TMEM165: variants seen among roughly 807,000 people sequenced by gnomAD.
The protein encoded by TMEM165 is transmembrane protein 165.
A neutral mutation model predicts 30.0 loss-of-function variants in TMEM165; 19 were observed. The ratio of observed to expected loss-of-function variants is 0.63; its 90% CI spans 0.44 to 0.93. The LOEUF (loss-of-function observed/expected upper bound fraction) is 0.93. Ranked by LOEUF, TMEM165 falls within the 40% of genes least tolerant of loss-of-function variation. The pLI, the probability that TMEM165 is intolerant of heterozygous loss-of-function variation, is 0.00. For missense variants in TMEM165, 340 were observed against 417.0 expected (o/e 0.82, Z 1.61); for synonymous variants, 168 against 162.9 (o/e 1.03, Z -0.24).
chr4:55,410,547 T>C (rs1721447662), intron 1 of TMEM165, among the ~76,000 whole-genome samples: 1 of 152,194 alleles, frequency 6.6e-6, no homozygotes, highest in Non-Finnish European at 1.5e-5. Flanking sequence ...TAACTGGGAT[T>C]ATAGGCTTCC....
intron 1 of TMEM165, among the ~76,000 whole-genome samples, chr4:55,407,445 A>G (rs1721316227): frequency 6.6e-6 from 1 of 152,238 alleles, no homozygotes; most frequent in Admixed American, 6.5e-5. Flanking sequence ...AAAATATCTC[A>G]GTAGTTTTAA....
chr4:55,417,765 T>C, intron 3 of TMEM165, 38 bp from the exon 4 acceptor site: 4 of 1,495,234 alleles, frequency 2.7e-6, no homozygotes, highest in Non-Finnish European at 3.6e-6. Flanking sequence ...TTGATTTGCT[T>C]CCTGTGCTTA....
intron 1 of TMEM165, among the ~76,000 whole-genome samples, chr4:55,400,272 A>G (rs1413847011): frequency 1.2e-5 from 1 of 83,174 alleles, no homozygotes; most frequent in African/African-American, 4.7e-5. Context: ...TATAATATAT[A>G]ATATAATATT....
intron 3 of TMEM165, chr4:55,442,752 A>G: frequency 1.1e-6 from 1 of 894,054 alleles, no homozygotes; most frequent in Non-Finnish European, 1.8e-6. Context: ...GTGGCAGGAT[A>G]TATTACTCTG....
chr4:55,409,454 AAATAAGTT>A (rs1359547210), intron 1 of TMEM165, among the ~76,000 whole-genome samples: 6 of 152,150 alleles, frequency 3.9e-5, no homozygotes, highest in Non-Finnish European at 7.4e-5. Flanking sequence ...AAAAAATTAA[AAATAAGTT>A]ATTAGGATTG....
At chr4:55,435,346 A>G in intron 3 of TMEM165, 1 of 1,565,570 alleles carries the variant, frequency 6.4e-7, no homozygotes, top group Non-Finnish European at 8.8e-7. Flanking sequence ...TCCTTTCCTC[A>G]GGTCATCTGA....
At chr4:55,440,986 C>G (rs1560414090) in intron 3 of TMEM165, among the ~76,000 whole-genome samples, 2 of 142,120 alleles carry the variant, frequency 1.4e-5, no homozygotes, top group African/African-American at 2.5e-5. Context: ...CAAAACAAAA[C>G]ACAACACAAC....
chr4:55,417,165 G>C lies in TMEM165; in HGVS notation c.527G>C (p.Arg176Pro). Residue 176 changes from arginine (R) to proline (P), a missense_variant, in exon 3 of 6, where the codon CGG (arginine) becomes CCG (proline). Physicochemically the swap from Arg to Pro is moderately radical, Grantham distance 103. Coordinates refer to ENST00000381334, the MANE Select transcript of TMEM165 (RefSeq NM_018475.5). ...LFAIFGIRML[R>P]EGLKMSPDEG... ...GCCATTTTTGGCATTAGAATGCTTC[G>C]GGAAGGCTTAAAGATGAGCCCTGAT... 6.2e-7 allele frequency: 1 copy of C among 1,613,884 alleles called. No homozygotes were observed. The highest frequency in any genetic ancestry group is 8.5e-7 in the Non-Finnish European group (1 of 1,179,974).
intron 3 of TMEM165, chr4:55,444,730 TG>T: frequency 6.2e-7 from 1 of 1,614,152 alleles, no homozygotes. Context: ...GCGTGTCCGT[TG>T]TTCCAATTGG....
At chr4:55,401,954 T>C (rs1160127928) in intron 1 of TMEM165, among the ~76,000 whole-genome samples, 4 of 149,332 alleles carry the variant, frequency 2.7e-5, no homozygotes, top group Non-Finnish European at 5.9e-5. Context: ...CCATCTCTAC[T>C]GAAAATACAA....
intron 3 of TMEM165, chr4:55,438,442 A>T (rs1723070282): frequency 6.2e-7 from 1 of 1,613,784 alleles, no homozygotes; most frequent in South Asian, 1.1e-5. Context: ...TGCAGTCACC[A>T]CCTGGCCCAT....
chr4:55,398,668 G>C (rs1257687749), intron 1 of TMEM165, among the ~76,000 whole-genome samples: 2 of 152,092 alleles, frequency 1.3e-5, no homozygotes, highest in East Asian at 3.9e-4. Context: ...CAAGTTGTGT[G>C]CGTGTTTTAT....
At chr4:55,435,960 CCAGA>C (rs1222912587) in intron 3 of TMEM165, among the ~76,000 whole-genome samples, 2 of 152,112 alleles carry the variant, frequency 1.3e-5, no homozygotes, top group Non-Finnish European at 2.9e-5. Context: ...TACTCTGAGG[CCAGA>C]CAGACAATGC....
At chr4:55,398,077 T>A (rs1720806775) in intron 1 of TMEM165, among the ~76,000 whole-genome samples, 1 of 152,218 alleles carries the variant, frequency 6.6e-6, no homozygotes, top group African/African-American at 2.4e-5. Context: ...TTTCTTAGGC[T>A]TTTCCAATTT....
chr4:55,444,870 T>A, intron 3 of TMEM165: 1 of 1,361,928 alleles, frequency 7.3e-7, no homozygotes, highest in Non-Finnish European at 1.0e-6. Context: ...GTAAGCAGTA[T>A]AACATGAGTG....
chr4:55,440,555 A>G (rs1449166453), intron 3 of TMEM165, among the ~76,000 whole-genome samples: 2 of 152,204 alleles, frequency 1.3e-5, no homozygotes, highest in Non-Finnish European at 2.9e-5. Flanking sequence ...AAAATACTCT[A>G]TTTTATACAC....
chr4:55,416,996 A>G (rs1484821690), intron 2 of TMEM165, 76 bp from the exon 3 acceptor site: 1 of 1,303,346 alleles, frequency 7.7e-7, no homozygotes, highest in East Asian at 2.4e-5. Context: ...GTGATAAATT[A>G]TTATTTCCGA....
At chr4:55,435,992 G>C (rs567108391) in intron 3 of TMEM165, among the ~76,000 whole-genome samples, 1 of 152,246 alleles carries the variant, frequency 6.6e-6, no homozygotes, top group South Asian at 2.1e-4. Flanking sequence ...ACACAGGTTC[G>C]CTCAGCTGGT....
exon 4 of TMEM165, chr4:55,452,375 A>G (rs537902975): frequency 6.6e-6 from 1 of 152,456 alleles, no homozygotes; most frequent in Non-Finnish European, 1.5e-5. Flanking sequence ...GAAGTGTGCC[A>G]GCAACCACTA....
Sources: gnomAD v4.1 joint callset for allele counts (sites outside exome capture counted in the v4.1 genomes callset) on GRCh38, gnomAD v4.1.1 for gene constraint, MANE v1.5 for transcripts, NCBI Gene and HGNC (gene_info 2026-07-23, HGNC 2026-07-21) for gene names.